Variants in THADA observed in about 807,000 individuals in gnomAD.
The protein encoded by THADA is tRNA (32-2'-O)-methyltransferase regulator THADA.
In THADA, 213 loss-of-function variants were observed where a neutral mutation model predicts 219.8. The observed-to-expected ratio is 0.97, with a 90% CI of 0.87 to 1.09. The LOEUF (loss-of-function observed/expected upper bound fraction) is 1.09. Among genes scored for constraint, THADA ranks in the 50% least tolerant of loss-of-function variants. The pLI is 0.00. For synonymous variants in THADA, 1,018 were observed against 828.9 expected (o/e 1.23, Z -3.92); for missense variants, 2,956 against 2,311.3 (o/e 1.28, Z -5.72).
chr2:43,402,069 G>A (rs536779394), intron 28 of THADA, among the ~76,000 whole-genome samples: 3 of 152,170 alleles, frequency 2.0e-5, no homozygotes, highest in South Asian at 2.1e-4. Flanking sequence ...TTTCAGGTTC[G>A]TGACACACAT....
chr2:43,466,766 G>A (rs550687289), intron 26 of THADA, among the ~76,000 whole-genome samples: 5 of 152,124 alleles, frequency 3.3e-5, no homozygotes, highest in South Asian at 4.1e-4. Context: ...CAAGACATGA[G>A]GCAACTGAGG....
rs376655899 is a variant in THADA at position 43,291,676 on chromosome 2, A to G, written c.5010+20T>C. On this transcript the variant is annotated intron_variant, in intron 34 of 37. Coordinates refer to ENST00000405975, the MANE Select transcript of THADA (RefSeq NM_022065.5). ...AACAAAAAATCCTAGGTCCCGGAAC[A>G]AGATCAGAACCAGCCTTACCTCCAC... The G allele has an allele frequency of 1.5e-4, 232 of 1,513,478 alleles. No homozygotes were observed. In the Middle Eastern group the frequency reaches 2.1e-3, roughly 13 times the overall value. 93.8% of individuals were successfully genotyped at this position (1,513,478 alleles called of 1,614,324 possible).
At chr2:43,313,952 G>A (rs1379312694) in intron 31 of THADA, among the ~76,000 whole-genome samples, 4 of 152,174 alleles carry the variant, frequency 2.6e-5, no homozygotes. Flanking sequence ...CAGTTTCTGT[G>A]GTCTCATGAA....
chr2:43,524,742 G>C (rs1359247306), intron 22 of THADA, among the ~76,000 whole-genome samples: 1 of 152,192 alleles, frequency 6.6e-6, no homozygotes, highest in Non-Finnish European at 1.5e-5. Context: ...CAACAGCTGA[G>C]AACTCCTAAC....
intron 36 of THADA, among the ~76,000 whole-genome samples, chr2:43,247,727 CAAAAAAAA>C (rs56687341): frequency 3.7e-5 from 2 of 53,376 alleles, no homozygotes; most frequent in Non-Finnish European, 6.5e-5. Flanking sequence ...GACTCCGTCT[CAAAAAAAA>C]AAAAAAAAAA....
chr2:43,417,750 C>T (rs1025835709), intron 28 of THADA, among the ~76,000 whole-genome samples: 1 of 152,172 alleles, frequency 6.6e-6, no homozygotes, highest in Admixed American at 6.5e-5. Context: ...CTAAAGCAGT[C>T]GCTAACAGCA....
rs1668065036 is a variant in THADA, at chr2:43,236,694, A to C, written c.5297-3812T>G. Among the ~76,000 whole-genome samples the C allele has an allele frequency of 2.0e-5, 3 of 152,158 alleles. No individual in the cohort carries two copies. In the South Asian group the frequency reaches 6.2e-4, roughly 31 times the overall value. ...AAAGAATCTGCTGTGTATCCAAAAC[A>C]ATCTTGAAAAAGAAAACAAAATTGG... On this transcript the variant is annotated intron_variant, in intron 36 of 37. Coordinates refer to ENST00000405975, the MANE Select transcript of THADA (RefSeq NM_022065.5).
At chr2:43,404,600 A>T (rs1675310479) in intron 28 of THADA, among the ~76,000 whole-genome samples, 1 of 152,018 alleles carries the variant, frequency 6.6e-6, no homozygotes, top group Non-Finnish European at 1.5e-5. Flanking sequence ...GCTCTCCCAT[A>T]GCAGCCAGTG....
chr2:43,512,807 T>A (rs1208650921), intron 22 of THADA, among the ~76,000 whole-genome samples: 2 of 152,228 alleles, frequency 1.3e-5, no homozygotes, highest in Non-Finnish European at 2.9e-5. Flanking sequence ...CGGCCACAAG[T>A]TTTATTTAAA....
intron 26 of THADA, among the ~76,000 whole-genome samples, chr2:43,480,055 T>C (rs1411597980): frequency 1.3e-5 from 2 of 152,220 alleles, no homozygotes. Context: ...TCCAAAAAGG[T>C]GACACCCTGC....
intron 26 of THADA, among the ~76,000 whole-genome samples, chr2:43,436,153 G>C (rs1680074884): frequency 6.6e-6 from 1 of 152,116 alleles, no homozygotes; most frequent in Non-Finnish European, 1.5e-5. Flanking sequence ...TGTTTCTCTT[G>C]TACCTGACTA....
chr2:43,438,924 CTATA>C (rs879644517), intron 26 of THADA, among the ~76,000 whole-genome samples: 13 of 152,226 alleles, frequency 8.5e-5, no homozygotes, highest in East Asian at 1.9e-4. Flanking sequence ...TGGTCTCTCT[CTATA>C]TATATACCTT....
At chr2:43,580,693 G>A (rs923758802) in intron 8 of THADA, among the ~76,000 whole-genome samples, 4 of 151,802 alleles carry the variant, frequency 2.6e-5, no homozygotes, top group Non-Finnish European at 5.9e-5. Flanking sequence ...TGGCCAACAT[G>A]GTGAAAGCCC....
intron 25 of THADA, among the ~76,000 whole-genome samples, chr2:43,492,508 T>C (rs1452544629): frequency 1.3e-5 from 2 of 152,190 alleles, no homozygotes; most frequent in Non-Finnish European, 2.9e-5. Context: ...GCAATTGCTA[T>C]GTAATATGGT....
At position 43,468,378 on chromosome 2, in the gene THADA, G is replaced by A. The variant is rs1259904781; in HGVS notation, c.3836+16856C>T. ...AACACTATATGGAAAAGTGAAATCC[G>A]GTGGTGTTATTTGGATCTTTTTACC... On this transcript the variant is annotated intron_variant, in intron 26 of 37. Coordinates refer to ENST00000405975, the MANE Select transcript of THADA (RefSeq NM_022065.5). 2.6e-5 allele frequency among the ~76,000 whole-genome samples: 4 copies of A among 152,234 alleles called. No individual in the cohort carries two copies. The East Asian group carries it at 5.8e-4, about 22-fold the overall frequency.
At position 43,508,637 on chromosome 2, in the gene THADA, C is replaced by T. The variant is rs1448365313; in HGVS notation, c.3507+11G>A. ...ATATAAACAAACAGCTAGGGTCCTA[C>T]AGATAAATACCTGTATGTAGAAAGG... On this transcript the variant is annotated intron_variant, in intron 23 of 37. Transcript: ENST00000405975. The T allele has an allele frequency of 1.2e-6, 2 of 1,610,862 alleles. No homozygotes were observed. The highest frequency in any genetic ancestry group is 1.7e-6 in the Non-Finnish European group (2 of 1,178,658).
At chr2:43,498,764 AG>A (rs1688579258) in intron 25 of THADA, 68 bp downstream of exon 25, 1 of 1,459,808 alleles carries the variant, frequency 6.9e-7, no homozygotes, top group Admixed American at 2.4e-5. Flanking sequence ...ACCCAGTGAA[AG>A]ATTAGTTTAT....
intron 32 of THADA, 72 bp downstream of exon 32, chr2:43,292,762 T>C: frequency 6.5e-7 from 1 of 1,544,020 alleles, no homozygotes; most frequent in East Asian, 2.3e-5. Flanking sequence ...GCCTTCATGA[T>C]CCTACCATTC....
At chr2:43,424,449 A>T (rs1023225268) in intron 28 of THADA, among the ~76,000 whole-genome samples, 1 of 152,160 alleles carries the variant, frequency 6.6e-6, no homozygotes, top group African/African-American at 2.4e-5. Context: ...TACAAAAATA[A>T]AACACTGCTG....
Sources: allele counts gnomAD v4.1 joint callset (sites outside exome capture counted in the v4.1 genomes callset), GRCh38; gene constraint gnomAD v4.1.1; transcripts MANE v1.5; gene names NCBI Gene and HGNC (gene_info 2026-07-23, HGNC 2026-07-21).